Variants in TMEM116 observed in about 807,000 individuals in gnomAD.
TMEM116 encodes the protein transmembrane protein 116.
In TMEM116, 38 loss-of-function variants were observed where a neutral mutation model predicts 44.3. That is an observed-to-expected ratio of 0.86 (90% CI 0.66 to 1.12). The LOEUF is 1.12. Ranked by LOEUF, TMEM116 falls within the 50% of genes most tolerant of loss-of-function variation. TMEM116 has a pLI of 0.00. For missense variants in TMEM116, 354 were observed against 401.7 expected (o/e 0.88, Z 1.01); for synonymous variants, 132 against 144.8 (o/e 0.91, Z 0.64).
chr12:111,957,530 G>C (rs1422609844), intron 4 of TMEM116, among the ~76,000 whole-genome samples: 2 of 151,724 alleles, frequency 1.3e-5, no homozygotes, highest in Admixed American at 1.3e-4. Context: ...CCCCGTCCGG[G>C]AGGTGGGGGG....
intron 3 of TMEM116, chr12:111,993,966 GT>G: frequency 1.7e-6 from 1 of 604,392 alleles, no homozygotes; most frequent in Admixed American, 1.9e-5. Context: ...CACTACAGTA[GT>G]TTATCTATGA....
chr12:111,962,959 A>G (rs1392554377), intron 4 of TMEM116, among the ~76,000 whole-genome samples: 1 of 152,238 alleles, frequency 6.6e-6, no homozygotes, highest in Non-Finnish European at 1.5e-5. Context: ...GAACTTAAAC[A>G]AATTTATAAG....
intron 4 of TMEM116, among the ~76,000 whole-genome samples, chr12:111,976,183 CT>C (rs1469678425): frequency 6.6e-6 from 1 of 151,714 alleles, no homozygotes; most frequent in Non-Finnish European, 1.5e-5. Context: ...TAATTTTGTA[CT>C]TTTAGTAGAG....
chr12:111,996,897 A>G (rs1157819430), intron 3 of TMEM116, among the ~76,000 whole-genome samples: 2 of 152,248 alleles, frequency 1.3e-5, no homozygotes, highest in African/African-American at 4.8e-5. Flanking sequence ...CACAAATAAT[A>G]TTGAGGGATA....
intron 4 of TMEM116, among the ~76,000 whole-genome samples, chr12:111,944,701 T>C (rs973554140): frequency 6.6e-6 from 1 of 152,118 alleles, no homozygotes; most frequent in Non-Finnish European, 1.5e-5. Context: ...TTAATCAATG[T>C]ATATGGAAGA....
At chr12:111,971,615 A>C (rs1320136904) in intron 4 of TMEM116, among the ~76,000 whole-genome samples, 2 of 152,162 alleles carry the variant, frequency 1.3e-5, no homozygotes, top group African/African-American at 4.8e-5. Flanking sequence ...GGGAACAAAA[A>C]ACAGATGTAA....
At chr12:111,962,646 C>A (rs1282494431) in intron 4 of TMEM116, among the ~76,000 whole-genome samples, 1 of 152,162 alleles carries the variant, frequency 6.6e-6, no homozygotes. Context: ...GTTCCTTACA[C>A]CTTATACAAA....
intron 4 of TMEM116, among the ~76,000 whole-genome samples, chr12:111,955,449 A>T (rs1337180608): frequency 1.3e-5 from 2 of 152,164 alleles, no homozygotes; most frequent in African/African-American, 4.8e-5. Flanking sequence ...TATATATCCA[A>T]ATTAATCCTC....
At chr12:111,949,623 G>A (rs2136307334) in intron 4 of TMEM116, among the ~76,000 whole-genome samples, 1 of 152,104 alleles carries the variant, frequency 6.6e-6, no homozygotes, top group Admixed American at 6.5e-5. Flanking sequence ...TCGCAATTAT[G>A]GTAAAGAAAA....
At chr12:111,942,545 T>G (rs1455814231) in intron 5 of TMEM116, among the ~76,000 whole-genome samples, 1 of 152,140 alleles carries the variant, frequency 6.6e-6, no homozygotes, top group Non-Finnish European at 1.5e-5. Context: ...GTGCTGAGAT[T>G]ATAGGCATAA....
At chr12:111,936,404 A>G (rs911001801) in intron 8 of TMEM116, 2 of 264,170 alleles carry the variant, frequency 7.6e-6, no homozygotes, top group African/African-American at 2.2e-5. Flanking sequence ...TATATTTGGC[A>G]CATATGAGTT....
intron 4 of TMEM116, among the ~76,000 whole-genome samples, chr12:111,943,587 T>G (rs2073033273): frequency 6.6e-6 from 1 of 152,094 alleles, no homozygotes; most frequent in Non-Finnish European, 1.5e-5. Context: ...TAAGCTGGAG[T>G]GCAATGGCAC....
intron 4 of TMEM116, among the ~76,000 whole-genome samples, chr12:111,944,989 C>T (rs2136284304): frequency 6.7e-6 from 1 of 149,708 alleles, no homozygotes; most frequent in East Asian, 2.0e-4. Flanking sequence ...GCAGGCAAAT[C>T]ACTTGAGCCC....
intron 5 of TMEM116, among the ~76,000 whole-genome samples, chr12:111,940,512 CATATATATGTGTATATATATAT>C (rs2072669883): frequency 8.3e-6 from 1 of 120,640 alleles, no homozygotes. Flanking sequence ...TATATACACA[CATATATATGTGTATATATATAT>C]ATATATATAT....
Position 111,963,781 on chromosome 12 carries a change from G to A in TMEM116, c.211-20412C>T, listed in dbSNP as rs369818081. ...GTATACCTATGTAACAAACCTGCAC[G>A]TCCTGCACACATACGCCAGAACTTA... On this transcript the variant is annotated intron_variant, in intron 4 of 10. Coordinates refer to ENST00000552374, the MANE Select transcript of TMEM116 (RefSeq NM_001193531.2). Among the ~76,000 whole-genome samples the A allele has an allele frequency of 5.9e-5, 9 of 152,178 alleles. No homozygotes were observed. In the East Asian group the frequency reaches 1.5e-3, roughly 26 times the overall value.
intron 5 of TMEM116, 72 bp from the exon 6 acceptor site, chr12:111,938,282 A>G: frequency 8.7e-7 from 1 of 1,143,376 alleles, no homozygotes; most frequent in Non-Finnish European, 1.2e-6. Context: ...CCAGATCATC[A>G]GTTAACACTC....
intron 4 of TMEM116, among the ~76,000 whole-genome samples, chr12:111,984,337 A>G (rs987793260): frequency 3.9e-5 from 6 of 152,176 alleles, no homozygotes; most frequent in African/African-American, 1.4e-4. Flanking sequence ...ACCATCGTAT[A>G]TTTGCAGTTA....
intron 4 of TMEM116, among the ~76,000 whole-genome samples, chr12:111,989,007 A>G (rs2076392923): frequency 6.7e-6 from 1 of 149,152 alleles, no homozygotes; most frequent in African/African-American, 2.6e-5. Flanking sequence ...CAAAAACAAA[A>G]CAAAAACAAA....
chr12:111,983,711 A>G (rs1014441890), intron 4 of TMEM116, among the ~76,000 whole-genome samples: 1 of 152,198 alleles, frequency 6.6e-6, no homozygotes, highest in Non-Finnish European at 1.5e-5. Context: ...CACAAAGCCT[A>G]GAACCAAATG....
Sources: gnomAD v4.1 joint callset for allele counts (sites outside exome capture counted in the v4.1 genomes callset) on GRCh38, gnomAD v4.1.1 for gene constraint, MANE v1.5 for transcripts, NCBI Gene and HGNC (gene_info 2026-07-23, HGNC 2026-07-21) for gene names.